Variants in SYNPR observed in about 807,000 individuals in gnomAD.
SYNPR encodes the protein synaptoporin.
Under a neutral mutation model 32.9 loss-of-function variants are expected in SYNPR, and 23 were observed. That is an observed-to-expected ratio of 0.70 (90% CI 0.50 to 0.99). The LOEUF is 0.99. Ranked by LOEUF, SYNPR falls within the 50% of genes least tolerant of loss-of-function variation. The pLI, the probability that SYNPR is intolerant of heterozygous loss-of-function variation, is 0.00. For missense variants in SYNPR, 318 were observed against 349.3 expected (o/e 0.91, Z 0.71); for synonymous variants, 146 against 135.9 (o/e 1.07, Z -0.52).
At chr3:63,524,556 T>C (rs763210689) in intron 3 of SYNPR, among the ~76,000 whole-genome samples, 14 of 152,134 alleles carry the variant, frequency 9.2e-5, no homozygotes, top group Admixed American at 1.3e-4. Flanking sequence ...AGAGCATAGA[T>C]TGGGCAATGG....
At chr3:63,313,273 A>G (rs928372496) in intron 2 of SYNPR, among the ~76,000 whole-genome samples, 2 of 151,674 alleles carry the variant, frequency 1.3e-5, no homozygotes, top group African/African-American at 4.8e-5. Flanking sequence ...TCACATGAGT[A>G]AGTTCTGTAG....
At chr3:63,353,407 G>A (rs2087535228) in intron 2 of SYNPR, among the ~76,000 whole-genome samples, 1 of 152,162 alleles carries the variant, frequency 6.6e-6, no homozygotes, top group East Asian at 1.9e-4. Context: ...GATGCCACAG[G>A]CCACCTGCTA....
chr3:63,289,926 C>T (rs533661761), intron 2 of SYNPR, among the ~76,000 whole-genome samples: 41 of 151,916 alleles, frequency 2.7e-4, no homozygotes, highest in Admixed American at 1.5e-3. Context: ...GTCAAGAGAT[C>T]GAGACCATCC....
At chr3:63,477,731 CT>C (rs1700957961) in intron 2 of SYNPR, among the ~76,000 whole-genome samples, 1 of 151,520 alleles carries the variant, frequency 6.6e-6, no homozygotes, top group Admixed American at 6.6e-5. Context: ...TGGCTCCCCA[CT>C]GTCCATCTGC....
At chr3:63,522,833 T>C (rs76612943) in intron 3 of SYNPR, among the ~76,000 whole-genome samples, 1,835 of 152,092 alleles carry the variant, frequency 0.012, 31 homozygotes, top group African/African-American at 0.041. Context: ...GCAGAGAAGA[T>C]CATGCAGGGT....
At chr3:63,336,519 CAAAAAAAAAAAAAAAAAAAAAAAAAAAAA>C (rs3082131) in intron 2 of SYNPR, among the ~76,000 whole-genome samples, 2,447 of 48,912 alleles carry the variant, frequency 0.05, 74 homozygotes, top group Non-Finnish European at 0.059. Flanking sequence ...CATTCCCATG[CAAAAAAAAAAAAAAAAAAAAAAAAAAAAA>C]AAAAAAAAAA....
intron 3 of SYNPR, among the ~76,000 whole-genome samples, chr3:63,546,799 G>A (rs1440015786): frequency 6.6e-6 from 1 of 152,048 alleles, no homozygotes; most frequent in African/African-American, 2.4e-5. Flanking sequence ...CTGTTATGTT[G>A]AAAAGCAGAA....
chr3:63,433,018 G>A (rs567082949), intron 2 of SYNPR, among the ~76,000 whole-genome samples: 5 of 152,264 alleles, frequency 3.3e-5, no homozygotes, highest in Non-Finnish European at 5.9e-5. Context: ...TAAGCTGCTC[G>A]GGTGATTCTG....
chr3:63,543,221 T>G (rs572528896), intron 3 of SYNPR, among the ~76,000 whole-genome samples: 2 of 152,242 alleles, frequency 1.3e-5, no homozygotes, highest in South Asian at 4.1e-4. Flanking sequence ...GAAAATAATT[T>G]TGATCTAATG....
chr3:63,335,436 C>T (rs1013692493), intron 2 of SYNPR, among the ~76,000 whole-genome samples: 1 of 151,574 alleles, frequency 6.6e-6, no homozygotes, highest in Non-Finnish European at 1.5e-5. Context: ...TGCACTGGCA[C>T]GTGAAGAAAA....
Position 63,616,274 on chromosome 3 carries a change from G to C in SYNPR, c.*793G>C, listed in dbSNP as rs1700276820. 6.6e-6 allele frequency: 1 copy of C among 152,088 alleles called. No individual in the cohort carries two copies. The highest frequency in any genetic ancestry group is 2.1e-4 in the South Asian group (1 of 4,826). 9.4% of individuals were successfully genotyped at this position (152,088 alleles called of 1,614,324 possible). ...ATTCTATTTACTTAGCTAAATATTT[G>C]CATTCTTGTAACCTTCTATGGTGTT... On this transcript the variant is annotated 3_prime_UTR_variant, in exon 6 of 6. Coordinates refer to ENST00000478300, the MANE Select transcript of SYNPR (RefSeq NM_001130003.2).
chr3:63,260,280 A>G (rs932384602), intron 2 of SYNPR, among the ~76,000 whole-genome samples: 1 of 152,222 alleles, frequency 6.6e-6, no homozygotes, highest in African/African-American at 2.4e-5. Context: ...CTAAGCCAAA[A>G]GAACAAAGCT....
chr3:63,593,695 A>G (rs1699880317), intron 4 of SYNPR, among the ~76,000 whole-genome samples: 1 of 152,216 alleles, frequency 6.6e-6, no homozygotes, highest in South Asian at 2.1e-4. Flanking sequence ...CAGATTCTTC[A>G]CGCATAAAAC....
At chr3:63,249,401 C>A (rs1575575567) in intron 1 of SYNPR, among the ~76,000 whole-genome samples, 1 of 152,084 alleles carries the variant, frequency 6.6e-6, no homozygotes, top group Non-Finnish European at 1.5e-5. Flanking sequence ...AACACTTACC[C>A]TTTGTCCCAG....
At chr3:63,579,925 G>A (rs1703060636) in intron 4 of SYNPR, among the ~76,000 whole-genome samples, 2 of 149,182 alleles carry the variant, frequency 1.3e-5, no homozygotes, top group African/African-American at 5.0e-5. Context: ...CAAAATGGGG[G>A]GAGGACTGTT....
chr3:63,470,288 T>G (rs1371935647), intron 2 of SYNPR, among the ~76,000 whole-genome samples: 3 of 152,252 alleles, frequency 2.0e-5, no homozygotes, highest in Non-Finnish European at 1.5e-5. Context: ...TTTTCTGTAC[T>G]GCTACTCATT....
upstream of SYNPR, among the ~76,000 whole-genome samples, chr3:63,274,149 C>T (rs140001839): frequency 2.5e-3 from 388 of 152,274 alleles, no homozygotes; most frequent in African/African-American, 8.6e-3. Context: ...TCATAACATA[C>T]GGGTAGTGTT....
intron 2 of SYNPR, among the ~76,000 whole-genome samples, chr3:63,416,336 G>A (rs1171619399): frequency 6.6e-6 from 1 of 151,990 alleles, no homozygotes; most frequent in Non-Finnish European, 1.5e-5. Flanking sequence ...CTTGAGACTA[G>A]GTTGGGCAAC....
At chr3:63,470,066 T>A (rs9829451) in intron 2 of SYNPR, among the ~76,000 whole-genome samples, 24,557 of 152,186 alleles carry the variant, frequency 0.16, 2,016 homozygotes, top group Middle Eastern at 0.2. Context: ...GACATTGCAA[T>A]AATGCAAAAA....
Sources: allele counts gnomAD v4.1 joint callset (sites outside exome capture counted in the v4.1 genomes callset), GRCh38; gene constraint gnomAD v4.1.1; transcripts MANE v1.5; gene names NCBI Gene and HGNC (gene_info 2026-07-23, HGNC 2026-07-21).